The following DOCK4 variants were observed in gnomAD, a reference collection of about 807,000 sequenced individuals.
DOCK4 encodes the protein dedicator of cytokinesis 4, also known as dedicator of cytokinesis protein 4.
A neutral mutation model predicts 268.1 loss-of-function variants in DOCK4; 97 were observed. That is an observed-to-expected ratio of 0.36 (90% CI 0.31 to 0.43). The LOEUF (loss-of-function observed/expected upper bound fraction) is 0.43, where lower values mean the gene tolerates loss of function less well. Ranked by LOEUF, DOCK4 falls within the 20% of genes least tolerant of loss-of-function variation. DOCK4 has a pLI of 1.00. For missense variants in DOCK4, 2,145 were observed against 2,455.7 expected (o/e 0.87, Z 2.67); for synonymous variants, 954 against 887.2 (o/e 1.08, Z -1.34).
At chr7:111,990,347 G>A (rs1368786628) in intron 5 of DOCK4, among the ~76,000 whole-genome samples, 1 of 152,094 alleles carries the variant, frequency 6.6e-6, no homozygotes, top group Non-Finnish European at 1.5e-5. Flanking sequence ...TTAACCAGCA[G>A]CTATGCTTTT....
At chr7:112,143,566 T>C (rs1018288668) in intron 1 of DOCK4, among the ~76,000 whole-genome samples, 3 of 152,238 alleles carry the variant, frequency 2.0e-5, no homozygotes, top group South Asian at 2.1e-4. Flanking sequence ...TTTAATTCTA[T>C]GCATTTGGGG....
At chr7:112,170,266 T>C (rs371989437) in intron 1 of DOCK4, among the ~76,000 whole-genome samples, 4 of 151,670 alleles carry the variant, frequency 2.6e-5, no homozygotes, top group African/African-American at 9.7e-5. Context: ...GCCTGGGCAA[T>C]ATGGTAAGAC....
chr7:111,977,094 C>T (rs1798260765), intron 8 of DOCK4, 38 bp downstream of exon 8: 1 of 1,607,302 alleles, frequency 6.2e-7, no homozygotes, highest in African/African-American at 1.3e-5. Flanking sequence ...ACCATTCTAA[C>T]ATTAAGACAT....
chr7:112,190,782 A>C (rs1819885849), intron 1 of DOCK4, among the ~76,000 whole-genome samples: 1 of 152,238 alleles, frequency 6.6e-6, no homozygotes. Flanking sequence ...GTACTAGAGA[A>C]AGGAGAATGC....
chr7:111,733,439 G>A (rs1047259316), intron 51 of DOCK4, among the ~76,000 whole-genome samples: 5 of 152,188 alleles, frequency 3.3e-5, no homozygotes, highest in African/African-American at 7.2e-5. Flanking sequence ...CTGTCAGCAC[G>A]TGTCACATTC....
intron 1 of DOCK4, among the ~76,000 whole-genome samples, chr7:112,200,113 C>A (rs1820783930): frequency 6.6e-6 from 1 of 152,204 alleles, no homozygotes; most frequent in South Asian, 2.1e-4. Context: ...ATGTGAGTTG[C>A]AGTCCTTCTG....
chr7:111,751,305 T>A (rs1344255315), intron 42 of DOCK4, among the ~76,000 whole-genome samples: 2 of 152,166 alleles, frequency 1.3e-5, no homozygotes, highest in African/African-American at 4.8e-5. Context: ...TAAACAGTCT[T>A]TAGTTTCTTC....
intron 10 of DOCK4, among the ~76,000 whole-genome samples, chr7:111,941,823 T>C (rs1002868374): frequency 2.6e-5 from 4 of 151,994 alleles, no homozygotes; most frequent in Non-Finnish European, 5.9e-5. Flanking sequence ...AATGGCAAAA[T>C]AAGGGAATAA....
At chr7:112,195,961 G>C (rs1265362052) in intron 1 of DOCK4, among the ~76,000 whole-genome samples, 1 of 152,156 alleles carries the variant, frequency 6.6e-6, no homozygotes, top group Non-Finnish European at 1.5e-5. Flanking sequence ...ACATGTGTTA[G>C]TAGTTTCCAA....
chr7:111,862,482 C>CTT (rs1168060750), intron 23 of DOCK4, among the ~76,000 whole-genome samples: 22 of 83,388 alleles, frequency 2.6e-4, no homozygotes, highest in East Asian at 7.5e-4. Context: ...GAAAATCATT[C>CTT]TTTTTTTTTT....
At chr7:112,098,390 GCTGGTC>G (rs943884308) in intron 1 of DOCK4, among the ~76,000 whole-genome samples, 57 of 151,800 alleles carry the variant, frequency 3.8e-4, no homozygotes, top group African/African-American at 1.4e-3. Context: ...TGTTGGTCAG[GCTGGTC>G]TCAAACTCCT....
chr7:111,890,968 A>G (rs1586281225), intron 16 of DOCK4, among the ~76,000 whole-genome samples: 1 of 152,248 alleles, frequency 6.6e-6, no homozygotes, highest in East Asian at 1.9e-4. Context: ...TCTCTCATCA[A>G]CCTTTGACAT....
At chr7:112,063,603 T>C (rs1806642562) in intron 1 of DOCK4, among the ~76,000 whole-genome samples, 1 of 152,228 alleles carries the variant, frequency 6.6e-6, no homozygotes, top group African/African-American at 2.4e-5. Flanking sequence ...CAGTTTCTAC[T>C]GAATGCATAT....
intron 49 of DOCK4, 23 bp from the exon 50 acceptor site, chr7:111,737,012 T>G: frequency 6.3e-7 from 1 of 1,590,138 alleles, no homozygotes; most frequent in Non-Finnish European, 8.6e-7. Flanking sequence ...AAGGGTTGAT[T>G]TTTATGATGT....
At chr7:111,782,965 C>G in intron 34 of DOCK4, 41 bp from the exon 35 acceptor site, 1 of 1,545,164 alleles carries the variant, frequency 6.5e-7, no homozygotes, top group East Asian at 2.2e-5. Context: ...GAACTTCCTT[C>G]CTAGGGGCAA....
At chr7:111,856,324 A>G (rs888598931) in intron 23 of DOCK4, among the ~76,000 whole-genome samples, 3 of 152,236 alleles carry the variant, frequency 2.0e-5, no homozygotes, top group African/African-American at 7.2e-5. Context: ...CAAAACCCAC[A>G]GTTAAAACCT....
intron 31 of DOCK4, chr7:111,789,374 G>T (rs1326953505): frequency 1.3e-5 from 2 of 152,616 alleles, no homozygotes; most frequent in Admixed American, 1.3e-4. Context: ...TTGAATATCA[G>T]GAATGGAAAA....
chr7:112,197,283 T>C (rs1820532647), intron 1 of DOCK4, among the ~76,000 whole-genome samples: 1 of 144,622 alleles, frequency 6.9e-6, no homozygotes, highest in Admixed American at 6.8e-5. Context: ...CTAAGAGGTA[T>C]TATATATTTA....
chr7:111,964,829 A>G (rs1489831457), intron 8 of DOCK4, among the ~76,000 whole-genome samples: 13 of 104,320 alleles, frequency 1.2e-4, no homozygotes, highest in South Asian at 7.6e-4. Flanking sequence ...CCCTCAAAGG[A>G]AAGCCCATCA....
Sources: allele counts gnomAD v4.1 joint callset (sites outside exome capture counted in the v4.1 genomes callset), GRCh38; gene constraint gnomAD v4.1.1; transcripts MANE v1.5; gene names NCBI Gene and HGNC (gene_info 2026-07-23, HGNC 2026-07-21).